R3HCC1L: variants seen among roughly 807,000 people sequenced by gnomAD.
R3HCC1L encodes the protein R3H domain and coiled-coil containing 1 like, also known as coiled-coil domain-containing protein R3HCC1L.
In R3HCC1L, 51 loss-of-function variants were observed where a neutral mutation model predicts 59.9. The observed-to-expected ratio is 0.85, with a 90% CI of 0.68 to 1.07. R3HCC1L has a LOEUF of 1.07. R3HCC1L is among the 50% of genes least tolerant of loss of function. The pLI, the probability that R3HCC1L is intolerant of heterozygous loss-of-function variation, is 0.00. For synonymous variants in R3HCC1L, 322 were observed against 315.2 expected (o/e 1.02, Z -0.23); for missense variants, 965 against 933.0 (o/e 1.03, Z -0.45).
At chr10:98,157,271 G>C (rs1373046453) in intron 2 of R3HCC1L, among the ~76,000 whole-genome samples, 1 of 152,104 alleles carries the variant, frequency 6.6e-6, no homozygotes, top group Non-Finnish European at 1.5e-5. Context: ...GTGCTTGTGG[G>C]TACCTTTCAG....
intron 4 of R3HCC1L, among the ~76,000 whole-genome samples, chr10:98,181,808 A>G (rs938349588): frequency 5.3e-5 from 8 of 152,232 alleles, no homozygotes; most frequent in Admixed American, 4.6e-4. Flanking sequence ...CGAATCGGCT[A>G]CTGAAGCTTG....
At chr10:98,217,911 T>G (rs1854404458) in intron 5 of R3HCC1L, among the ~76,000 whole-genome samples, 1 of 152,162 alleles carries the variant, frequency 6.6e-6, no homozygotes, top group African/African-American at 2.4e-5. Context: ...TTCTGAGAGT[T>G]TTTTGGTGGA....
At chr10:98,235,778 CCT>C (rs1445228038) in intron 8 of R3HCC1L, among the ~76,000 whole-genome samples, 2 of 152,204 alleles carry the variant, frequency 1.3e-5, no homozygotes, top group African/African-American at 4.8e-5. Context: ...ACCTAGTTTA[CCT>C]CTGTGTTTAG....
chr10:98,218,459 G>A (rs897827225), intron 5 of R3HCC1L, among the ~76,000 whole-genome samples: 5 of 152,020 alleles, frequency 3.3e-5, no homozygotes, highest in African/African-American at 1.2e-4. Flanking sequence ...TCTAGCTGGT[G>A]TTTTATTGAT....
chr10:98,163,093 G>T, intron 3 of R3HCC1L, 118 bp downstream of exon 3: 1 of 240,870 alleles, frequency 4.2e-6, no homozygotes, highest in Non-Finnish European at 7.9e-6. Context: ...GACAGAAGAT[G>T]GCATTTCCTT....
In R3HCC1L at chr10:98,227,527, G is replaced by GAGAA. The variant is rs1477158626; in HGVS notation, c.1786-3984_1786-3983insGAAA. ...TGATTAACAGAGAGAGAGAGAGAGA[G>GAGAA]AAAAATATTATCTAAGGATCTGGTG... On this transcript the variant is annotated intron_variant, in intron 5 of 9. Coordinates refer to ENST00000298999, the MANE Select transcript of R3HCC1L (RefSeq NM_001351015.2). Among the ~76,000 whole-genome samples, 15 of 150,566 alleles carry GAGAA rather than the reference G, an allele frequency of 1.0e-4. No homozygotes were observed. In the East Asian group the frequency reaches 2.1e-3, roughly 21 times the overall value.
chr10:98,242,928 A>G (rs1432802462), intron 9 of R3HCC1L, among the ~76,000 whole-genome samples: 1 of 152,220 alleles, frequency 6.6e-6, no homozygotes, highest in African/African-American at 2.4e-5. Context: ...CCTCAGTTCC[A>G]GGGCATTCTC....
At chr10:98,190,920 T>C (rs563883483) in intron 4 of R3HCC1L, among the ~76,000 whole-genome samples, 4 of 152,052 alleles carry the variant, frequency 2.6e-5, no homozygotes, top group Admixed American at 2.6e-4. Flanking sequence ...TTTCTGTCCT[T>C]GTGATAGTTT....
At chr10:98,161,327 T>C (rs1847394772) in intron 2 of R3HCC1L, among the ~76,000 whole-genome samples, 1 of 152,216 alleles carries the variant, frequency 6.6e-6, no homozygotes, top group Admixed American at 6.5e-5. Flanking sequence ...TATATCTTTT[T>C]GTGTGAAATA....
At chr10:98,177,858 G>C (rs1849198731) in intron 4 of R3HCC1L, among the ~76,000 whole-genome samples, 2 of 152,064 alleles carry the variant, frequency 1.3e-5, no homozygotes, top group African/African-American at 2.4e-5. Context: ...CATATAATTT[G>C]CCCACTTTTT....
chr10:98,162,672 TTGTGTGTGTGTGTG>T (rs138697556), intron 2 of R3HCC1L, among the ~76,000 whole-genome samples, 197 bp from the exon 3 acceptor site: 14 of 148,030 alleles, frequency 9.5e-5, no homozygotes, highest in Non-Finnish European at 1.1e-4. Context: ...GTGTGTGTGT[TTGTGTGTGTGTGTG>T]TGTGTGTGTC....
chr10:98,147,487 A>G (rs1363090347), intron 1 of R3HCC1L, among the ~76,000 whole-genome samples: 2 of 152,120 alleles, frequency 1.3e-5, no homozygotes, highest in Non-Finnish European at 2.9e-5. Flanking sequence ...CTTTGCCTAG[A>G]TCAATGTCCT....
chr10:98,141,966 A>C (rs781323386), intron 1 of R3HCC1L, among the ~76,000 whole-genome samples: 2 of 152,178 alleles, frequency 1.3e-5, no homozygotes, highest in Non-Finnish European at 2.9e-5. Flanking sequence ...AAAATGAGTT[A>C]ATAAAACAGT....
chr10:98,184,558 C>T (rs1417878320), intron 4 of R3HCC1L, among the ~76,000 whole-genome samples: 1 of 152,166 alleles, frequency 6.6e-6, no homozygotes, highest in Non-Finnish European at 1.5e-5. Context: ...CATGTTCTCA[C>T]AATGAAATCA....
intron 4 of R3HCC1L, among the ~76,000 whole-genome samples, chr10:98,183,987 A>G (rs1481516714): frequency 8.2e-5 from 10 of 121,626 alleles, no homozygotes; most frequent in Non-Finnish European, 1.5e-4. Context: ...TGAAATCTGG[A>G]CATTTTGTGT....
chr10:98,145,030 A>T (rs897207942), intron 1 of R3HCC1L, among the ~76,000 whole-genome samples: 1 of 152,224 alleles, frequency 6.6e-6, no homozygotes, highest in Non-Finnish European at 1.5e-5. Flanking sequence ...AGGAGATAGG[A>T]TTTGTTAAGT....
At chr10:98,194,548 G>A (rs1851217629) in intron 4 of R3HCC1L, among the ~76,000 whole-genome samples, 1 of 152,144 alleles carries the variant, frequency 6.6e-6, no homozygotes, top group Non-Finnish European at 1.5e-5. Context: ...ACAGCCTGAG[G>A]AATAGGAGAA....
At chr10:98,165,134 G>A (rs192767193) in intron 4 of R3HCC1L, among the ~76,000 whole-genome samples, 8 of 152,260 alleles carry the variant, frequency 5.3e-5, no homozygotes, top group African/African-American at 1.9e-4. Flanking sequence ...GGTGGTGTAC[G>A]CCTGTAATCC....
chr10:98,204,372 T>C (rs1042011435), intron 4 of R3HCC1L, among the ~76,000 whole-genome samples: 1 of 151,764 alleles, frequency 6.6e-6, no homozygotes, highest in African/African-American at 2.4e-5. Context: ...GCCATTGCAC[T>C]CCACCCTGGG....
Sources: allele counts gnomAD v4.1 joint callset (sites outside exome capture counted in the v4.1 genomes callset), GRCh38; gene constraint gnomAD v4.1.1; transcripts MANE v1.5; gene names NCBI Gene and HGNC (gene_info 2026-07-23, HGNC 2026-07-21).